Variants in RNF212B observed in about 807,000 individuals in gnomAD.
RNF212B encodes E3 ubiquitin-protein ligase RNF212B.
Under a neutral mutation model 55.5 loss-of-function variants are expected in RNF212B, and 52 were observed. That is an observed-to-expected ratio of 0.94 (90% CI 0.75 to 1.18). The LOEUF (loss-of-function observed/expected upper bound fraction) is 1.18, where lower values mean the gene tolerates loss of function less well. Ranked by LOEUF, RNF212B falls within the 50% of genes most tolerant of loss-of-function variation. The pLI, the probability that RNF212B is intolerant of heterozygous loss-of-function variation, is 0.00. For missense variants in RNF212B, 289 were observed against 350.4 expected (o/e 0.82, Z 1.40); for synonymous variants, 99 against 121.4 (o/e 0.82, Z 1.21).
At chr14:23,224,337 T>A (rs1881824367) in intron 2 of RNF212B, among the ~76,000 whole-genome samples, 1 of 151,906 alleles carries the variant, frequency 6.6e-6, no homozygotes, top group Non-Finnish European at 1.5e-5. Flanking sequence ...AATCATATTA[T>A]CTGACTTCAA....
chr14:23,205,149 C>T (rs904350100), intron 2 of RNF212B, among the ~76,000 whole-genome samples: 21 of 152,084 alleles, frequency 1.4e-4, no homozygotes, highest in Admixed American at 4.6e-4. Flanking sequence ...ACAATTATTT[C>T]TCTTTAAGCT....
chr14:23,220,518 C>T (rs543918751), intron 2 of RNF212B, among the ~76,000 whole-genome samples: 10 of 151,504 alleles, frequency 6.6e-5, no homozygotes, highest in East Asian at 1.9e-4. Flanking sequence ...GGCAACATAG[C>T]GAGACTCTGT....
At chr14:23,205,416 T>C (rs1477281564) in intron 2 of RNF212B, among the ~76,000 whole-genome samples, 1 of 152,120 alleles carries the variant, frequency 6.6e-6, no homozygotes, top group Non-Finnish European at 1.5e-5. Context: ...TATTTCTAAA[T>C]TGTGACCAGT....
intron 13 of RNF212B, among the ~76,000 whole-genome samples, chr14:23,270,377 A>G (rs912675712): frequency 5.3e-5 from 8 of 152,148 alleles, no homozygotes; most frequent in African/African-American, 9.7e-5. Flanking sequence ...AAATATTTAT[A>G]TTGGCTATTT....
chr14:23,227,396 C>T (rs75063414), intron 2 of RNF212B, among the ~76,000 whole-genome samples: 9 of 151,830 alleles, frequency 5.9e-5, no homozygotes, highest in African/African-American at 1.7e-4. Context: ...TGTATGGAAG[C>T]GGGCACAGGG....
At chr14:23,194,614 A>T (rs973857626) in intron 2 of RNF212B, among the ~76,000 whole-genome samples, 1 of 151,634 alleles carries the variant, frequency 6.6e-6, no homozygotes, top group African/African-American at 2.4e-5. Context: ...ACCCACCTGT[A>T]GTCCCAGCTA....
At chr14:23,224,521 A>G (rs1881842590) in intron 2 of RNF212B, among the ~76,000 whole-genome samples, 1 of 152,236 alleles carries the variant, frequency 6.6e-6, no homozygotes, top group South Asian at 2.1e-4. Flanking sequence ...CTCTTCAGCA[A>G]ATAGTGCTGG....
At position 23,195,328 on chromosome 14, in the gene RNF212B, C is replaced by A. The variant is rs139792783; in HGVS notation, c.-2+1927C>A. Among the ~76,000 whole-genome samples, 92 of 151,454 alleles carry A rather than the reference C, an allele frequency of 6.1e-4. No individual in the cohort carries two copies. In the East Asian group the frequency reaches 0.017, roughly 28 times the overall value. ...ATTCTGAGGTAAATGTAAAGTCTCA[C>A]AGATTTAGAAAACATGGAAGATTTA... On this transcript the variant is annotated intron_variant, in intron 2 of 15. Coordinates refer to the RNF212B transcript ENST00000399910.
intron 4 of RNF212B, chr14:23,258,338 C>CAAAA (rs1213381274): frequency 2.1e-4 from 32 of 152,532 alleles, no homozygotes; most frequent in Non-Finnish European, 3.2e-4. Context: ...AACTCTGTCT[C>CAAAA]AAAAAAAAAA....
chr14:23,224,014 G>A (rs577764992), intron 2 of RNF212B, among the ~76,000 whole-genome samples: 107 of 152,104 alleles, frequency 7.0e-4, no homozygotes, highest in Middle Eastern at 3.4e-3. Flanking sequence ...ATTAATTACC[G>A]AGGAATTAAC....
intron 1 of RNF212B, among the ~76,000 whole-genome samples, chr14:23,191,305 C>T (rs935830921): frequency 2.1e-5 from 3 of 145,278 alleles, no homozygotes; most frequent in South Asian, 4.3e-4. Context: ...TGTAGTGAGC[C>T]GAGATCGCAC....
intron 2 of RNF212B, among the ~76,000 whole-genome samples, chr14:23,206,732 G>A (rs1459875404): frequency 6.6e-6 from 1 of 151,982 alleles, no homozygotes; most frequent in Non-Finnish European, 1.5e-5. Flanking sequence ...GGTGCTAGAG[G>A]GAGACACTTT....
intron 2 of RNF212B, among the ~76,000 whole-genome samples, chr14:23,206,595 A>C (rs1879858251): frequency 6.6e-6 from 1 of 152,210 alleles, no homozygotes; most frequent in Non-Finnish European, 1.5e-5. Flanking sequence ...GATTCTTGAT[A>C]ACCTGTTTCA....
chr14:23,270,101 G>A (rs1243318066), intron 13 of RNF212B, 141 bp downstream of exon 13: 1 of 620,314 alleles, frequency 1.6e-6, no homozygotes, highest in African/African-American at 1.8e-5. Context: ...TATTCTTTAA[G>A]AGCCATCCCA....
At chr14:23,238,305 G>A in intron 1 of RNF212B, among the ~76,000 whole-genome samples, 1 of 152,096 alleles carries the variant, frequency 6.6e-6, no homozygotes. Flanking sequence ...AGTGTATCAC[G>A]ATCGAACAAA....
intron 2 of RNF212B, among the ~76,000 whole-genome samples, chr14:23,211,228 AG>A (rs59357260): frequency 0.75 from 105,091 of 140,876 alleles, 38,992 homozygotes; most frequent in Admixed American, 0.81. Flanking sequence ...AAAAAAAAAA[AG>A]AAAGAAAAAG....
At chr14:23,204,110 A>T (rs1594871232) in intron 2 of RNF212B, among the ~76,000 whole-genome samples, 1 of 152,152 alleles carries the variant, frequency 6.6e-6, no homozygotes, top group East Asian at 1.9e-4. Flanking sequence ...TTCGTTGTAG[A>T]TTCCGGATAT....
intron 1 of RNF212B, among the ~76,000 whole-genome samples, 151 bp downstream of exon 1, chr14:23,238,206 G>T (rs964739871): frequency 5.9e-5 from 9 of 152,104 alleles, no homozygotes; most frequent in Admixed American, 5.2e-4. Flanking sequence ...CAATTCAGGG[G>T]ATGACATTGT....
chr14:23,217,980 T>C (rs767021825), intron 2 of RNF212B, among the ~76,000 whole-genome samples: 3 of 152,018 alleles, frequency 2.0e-5, no homozygotes, highest in South Asian at 2.1e-4. Flanking sequence ...CTCAAAAAAA[T>C]TCAAGATAAT....
Sources: gnomAD v4.1 joint callset for allele counts (sites outside exome capture counted in the v4.1 genomes callset) on GRCh38, gnomAD v4.1.1 for gene constraint, MANE v1.5 for transcripts, NCBI Gene and HGNC (gene_info 2026-07-23, HGNC 2026-07-21) for gene names.